The following PRKG1 variants were observed in gnomAD, a reference collection of about 807,000 sequenced individuals.
PRKG1 encodes cGMP-dependent protein kinase 1.
PRKG1 carries 35 observed loss-of-function variants against 88.1 expected under a neutral mutation model. The ratio of observed to expected loss-of-function variants is 0.40; its 90% CI spans 0.30 to 0.53. The LOEUF (loss-of-function observed/expected upper bound fraction) is 0.53, where lower values mean the gene tolerates loss of function less well. PRKG1 is among the 20% of genes least tolerant of loss of function. The probability of loss-of-function intolerance (pLI) is 0.59; values close to 1 mark genes in which losing one functional copy is unlikely to be tolerated. For synonymous variants in PRKG1, 303 were observed against 292.5 expected (o/e 1.04, Z -0.37); for missense variants, 540 against 839.8 (o/e 0.64, Z 4.41).
intron 3 of PRKG1, among the ~76,000 whole-genome samples, chr10:51,529,059 TAAG>T (rs1226738029): frequency 6.6e-6 from 1 of 152,120 alleles, no homozygotes; most frequent in South Asian, 2.1e-4. Context: ...ATTCAGAAAC[TAAG>T]AAGATTTTTA....
intron 2 of PRKG1, among the ~76,000 whole-genome samples, chr10:51,230,966 G>A (rs536885410): frequency 4.6e-5 from 7 of 152,132 alleles, no homozygotes; most frequent in Non-Finnish European, 7.4e-5. Flanking sequence ...CCAATTTGAA[G>A]CCTCATGAGT....
intron 3 of PRKG1, among the ~76,000 whole-genome samples, chr10:51,470,388 A>T (rs961572093): frequency 6.6e-6 from 1 of 151,802 alleles, no homozygotes; most frequent in African/African-American, 2.4e-5. Flanking sequence ...TTTTCTACAC[A>T]ATAGCTGACC....
chr10:51,211,494 G>A (rs1358514007), intron 2 of PRKG1, among the ~76,000 whole-genome samples: 8 of 152,096 alleles, frequency 5.3e-5, no homozygotes, highest in African/African-American at 1.9e-4. Context: ...GGGAATAAAG[G>A]GCATTCAATT....
chr10:51,970,716 ATATATATCAGATATATCAGATTATATAT>A (rs1564733835), intron 5 of PRKG1, among the ~76,000 whole-genome samples: 6 of 124,458 alleles, frequency 4.8e-5, no homozygotes, highest in African/African-American at 2.9e-4. Context: ...CATCTGATAT[ATATATATCAGATATATCAGATTATATAT>A]ATATATCAGA....
intron 1 of PRKG1, among the ~76,000 whole-genome samples, chr10:51,121,393 A>G (rs1845257078): frequency 6.6e-6 from 1 of 152,142 alleles, no homozygotes. Context: ...TTTAAGCATA[A>G]TTTTTGGCTC....
intron 4 of PRKG1, among the ~76,000 whole-genome samples, chr10:51,865,698 C>T (rs1404296569): frequency 6.6e-6 from 1 of 152,010 alleles, no homozygotes; most frequent in East Asian, 1.9e-4. Context: ...CTCTCACTAC[C>T]TCTGGACTGG....
intron 3 of PRKG1, among the ~76,000 whole-genome samples, chr10:51,707,939 T>C (rs1841649759): frequency 6.6e-6 from 1 of 152,228 alleles, no homozygotes; most frequent in Admixed American, 6.5e-5. Flanking sequence ...CTAATGTTTA[T>C]AGGAATGTAG....
chr10:51,019,954 A>G (rs992186821), intron 1 of PRKG1, among the ~76,000 whole-genome samples: 17 of 152,086 alleles, frequency 1.1e-4, no homozygotes, highest in Admixed American at 3.3e-4. Context: ...ATGCTACTTC[A>G]CACCCATTAA....
intron 4 of PRKG1, among the ~76,000 whole-genome samples, chr10:51,901,211 A>AAT (rs1841972134): frequency 6.6e-6 from 1 of 152,192 alleles, no homozygotes; most frequent in African/African-American, 2.4e-5. Flanking sequence ...TTCAACACTG[A>AAT]ATAGCACAGT....
intron 3 of PRKG1, among the ~76,000 whole-genome samples, chr10:51,485,953 A>G (rs1840523122): frequency 6.6e-6 from 1 of 152,180 alleles, no homozygotes; most frequent in Non-Finnish European, 1.5e-5. Flanking sequence ...TCTCATTAGA[A>G]CAAGAAGTCT....
At chr10:52,081,608 A>T (rs1468381007) in intron 7 of PRKG1, 2 of 456,548 alleles carry the variant, frequency 4.4e-6, no homozygotes, top group Non-Finnish European at 8.8e-6. Context: ...CATTTGGGAA[A>T]TACTGATGGA....
intron 14 of PRKG1, among the ~76,000 whole-genome samples, chr10:52,287,284 G>A (rs967448866): frequency 6.6e-6 from 1 of 151,938 alleles, no homozygotes; most frequent in Non-Finnish European, 1.5e-5. Flanking sequence ...AGATTTGCAT[G>A]TTTATACATT....
In PRKG1 at chr10:51,913,551, AAAT is replaced by A. The variant is rs200334343; in HGVS notation, c.762+5982_762+5984del. Among the ~76,000 whole-genome samples the A allele has an allele frequency of 1.0e-3, 154 of 152,346 alleles. 1 individual carries two copies. The East Asian group carries it at 0.028, about 28-fold the overall frequency. On this transcript the variant is annotated intron_variant, in intron 5 of 17. Coordinates refer to ENST00000373980, the MANE Select transcript of PRKG1 (RefSeq NM_006258.4). ...AGTGAATCACTCCTTCTTCAAGAAC[AAAT>A]GAGAGTTTTCTCTAGTCTCTTTGAA...
At chr10:51,908,734 A>ATATATATATATTTTTTTTT (rs563212069) in intron 5 of PRKG1, 1 of 52,222 alleles carries the variant, frequency 1.9e-5, no homozygotes, top group South Asian at 4.7e-4. Context: ...TCTATATGTA[A>ATATATATATATTTTTTTTT]TTTTTTTTTT....
intron 4 of PRKG1, among the ~76,000 whole-genome samples, chr10:51,862,816 T>A (rs1247770813): frequency 6.6e-6 from 1 of 152,144 alleles, no homozygotes; most frequent in Non-Finnish European, 1.5e-5. Flanking sequence ...TTTATAGCAA[T>A]ATGGGTAGCT....
intron 5 of PRKG1, among the ~76,000 whole-genome samples, chr10:51,986,053 C>T (rs1844149526): frequency 6.6e-6 from 1 of 152,160 alleles, no homozygotes; most frequent in African/African-American, 2.4e-5. Context: ...GCATGGCTGA[C>T]TGGGAGCTGT....
At chr10:52,157,624 T>G (rs925742118) in intron 8 of PRKG1, among the ~76,000 whole-genome samples, 3 of 151,538 alleles carry the variant, frequency 2.0e-5, no homozygotes, top group African/African-American at 7.2e-5. Context: ...ATCCTTGACT[T>G]CTAAAACAGA....
rs1436141073 is a variant in PRKG1, at chr10:51,818,939, G to A, written c.698+14249G>A. ...GGAGAATGGCGTGAACCCGGGAGGCGGAGCTTGCAGTGAGCCGAGATCCCG... is the reference window on the plus strand; with the variant it reads ...GGAGAATGGCGTGAACCCGGGAGGCAGAGCTTGCAGTGAGCCGAGATCCCG... On this transcript the variant is annotated intron_variant, in intron 4 of 17. Coordinates refer to ENST00000373980, the MANE Select transcript of PRKG1 (RefSeq NM_006258.4). 3.1e-5 allele frequency among the ~76,000 whole-genome samples: 3 copies of A among 95,430 alleles called. 1 individual carries two copies. The highest frequency in any genetic ancestry group is 6.4e-4 in the South Asian group (2 of 3,124). 62.6% of individuals were successfully genotyped at this position (95,430 alleles called of 152,430 possible). A position where few individuals can be genotyped will look rare whatever the true frequency, so the allele number is the denominator to read the frequency against.
intron 2 of PRKG1, among the ~76,000 whole-genome samples, chr10:51,397,986 T>C (rs1265813629): frequency 6.6e-6 from 1 of 152,230 alleles, no homozygotes; most frequent in Non-Finnish European, 1.5e-5. Context: ...ACCTAAATGA[T>C]AGCCCTTGAA....
Sources: gnomAD v4.1 joint callset for allele counts (sites outside exome capture counted in the v4.1 genomes callset) on GRCh38, gnomAD v4.1.1 for gene constraint, MANE v1.5 for transcripts, NCBI Gene and HGNC (gene_info 2026-07-23, HGNC 2026-07-21) for gene names.